Variants in TRPM4 observed in about 807,000 individuals in gnomAD.
TRPM4 encodes the protein transient receptor potential cation channel subfamily M member 4, also known as calcium-activated non-selective cation channel 1.
Under a neutral mutation model 135.6 loss-of-function variants are expected in TRPM4, and 124 were observed. The ratio of observed to expected loss-of-function variants is 0.91; its 90% confidence interval spans 0.79 to 1.06. TRPM4 has a LOEUF of 1.06. TRPM4 is among the 50% of genes least tolerant of loss of function. The probability of loss-of-function intolerance (pLI) is 0.00; values close to 1 mark genes in which losing one functional copy is unlikely to be tolerated. For synonymous variants in TRPM4, 745 were observed against 705.6 expected (o/e 1.06, Z -0.88); for missense variants, 1,658 against 1,671.4 (o/e 0.99, Z 0.14).
At position 49,200,706 on chromosome 19, in the gene TRPM4, C is replaced by A. The variant is rs1968894423; in HGVS notation, c.2874C>A (p.Asp958Glu). The A allele has an allele frequency of 4.3e-6, 7 of 1,614,086 alleles. No individual in the cohort carries two copies. Among genetic ancestry groups the A allele is most frequent in the Non-Finnish European group, 5.9e-6 (7 of 1,180,016 alleles). ...GGCTCCTGAGGCCACGGGACAGTGA[C>A]TTCCCAAGTATCCTGCGCCGCGTCT... The part of the protein sequence containing the change: ...TEGLLRPRDS[D>E]FPSILRRVFY... The change falls in exon 19 of 25, where the codon GAC becomes GAA. Residue 958 changes from aspartate (D) to glutamate (E), a missense_variant. Physicochemically the swap from Asp to Glu is conservative, Grantham distance 45. This residue lies in a region of TRPM4 where 1,412 missense variants were observed against 1,408.7 expected (regional missense o/e 1.00). Transcript: ENST00000252826.
chr19:49,208,406 C>T (rs1969229205), intron 20 of TRPM4, among the ~76,000 whole-genome samples: 1 of 152,080 alleles, frequency 6.6e-6, no homozygotes, highest in Non-Finnish European at 1.5e-5. Context: ...TACCTCTAGA[C>T]CACGGTCCGC....
Position 49,196,745 on chromosome 19 carries a change from G to A in TRPM4, c.2516G>A (p.Ser839Asn), listed in dbSNP as rs758270760. 1 of 1,548,882 alleles carries A rather than the reference G, an allele frequency of 6.5e-7. No individual in the cohort carries two copies. Among genetic ancestry groups the A allele is most frequent in the Non-Finnish European group, 8.7e-7 (1 of 1,153,618 alleles). ...LRQGLSGGGG[S>N]LASGGPGPGH... The stretch of plus-strand genomic sequence containing the variant: ...CAGGGCCTGAGCGGAGGCGGGGGCA[G>A]CCTCGCCAGCGGGGGCCCCGGGCCT... The change falls in exon 17 of 25, where the codon AGC becomes AAC. Residue 839 changes from serine to asparagine, a missense_variant. Transcript: ENST00000252826.
chr19:49,184,834 A>G (rs1968136944), intron 12 of TRPM4, among the ~76,000 whole-genome samples: 1 of 151,234 alleles, frequency 6.6e-6, no homozygotes, highest in Admixed American at 6.6e-5. Flanking sequence ...ATTTTTGATT[A>G]CAGTACCATT....
chr19:49,190,411 G>T, intron 15 of TRPM4, 91 bp downstream of exon 15: 1 of 1,162,844 alleles, frequency 8.6e-7, no homozygotes, highest in Non-Finnish European at 1.3e-6. Flanking sequence ...TTCCCTCATC[G>T]GCCCATTGTG....
intron 2 of TRPM4, chr19:49,159,708 C>G (rs545181137): frequency 6.6e-6 from 1 of 152,206 alleles, no homozygotes; most frequent in African/African-American, 2.4e-5. Flanking sequence ...GTCTTGAACT[C>G]TTGATCTCAG....
At chr19:49,169,148 C>T (rs1229215930) in intron 6 of TRPM4, among the ~76,000 whole-genome samples, 2 of 150,526 alleles carry the variant, frequency 1.3e-5, no homozygotes, top group African/African-American at 4.9e-5. Flanking sequence ...TGCAGTGAGC[C>T]GAGATCAAGC....
chr19:49,190,669 C>G, intron 15 of TRPM4, 27 bp from the exon 16 acceptor site: 1 of 1,612,088 alleles, frequency 6.2e-7, no homozygotes, highest in Admixed American at 1.7e-5. Context: ...CCCCTCATTT[C>G]TTGCTCTGTG....
At position 49,160,501 on chromosome 19, in the gene TRPM4, G is replaced by A. The variant is rs200189611; in HGVS notation, c.92+2242G>A. ...TCCATCTCAAAAAAAAAAAAAAAAAGAAAGAAAGAAAGAAAAAAGTGATTT... is the reference window on the plus strand; with the variant it reads ...TCCATCTCAAAAAAAAAAAAAAAAAAAAAGAAAGAAAGAAAAAAGTGATTT... On this transcript the variant is annotated intron_variant, in intron 2 of 24. Transcript: ENST00000252826. 9.1e-4 allele frequency among the ~76,000 whole-genome samples: 132 copies of A among 144,972 alleles called. 1 individual carries two copies. The East Asian group carries it at 0.021, about 23-fold the overall frequency.
At position 49,200,346 on chromosome 19, in the gene TRPM4, G is replaced by A. The variant is rs1262913315; in HGVS notation, c.2692G>A (p.Asp898Asn). 6.2e-7 allele frequency: 1 copy of A among 1,613,914 alleles called. No individual in the cohort carries two copies. Among genetic ancestry groups the A allele is most frequent in the East Asian group, 2.2e-5 (1 of 44,882 alleles). ...CCTGGGCCGCACTGTCCTCTGCATC[G>A]ACTTCATGGTTTTCACGGTGCGGCT... is the stretch of plus-strand genomic sequence containing the variant. ...YHLGRTVLCIDFMVFTVRLLH... is the reference protein window; with the variant it reads ...YHLGRTVLCINFMVFTVRLLH... Residue 898 changes from aspartate to asparagine, a missense_variant, in exon 18 of 25, where the codon GAC (aspartate) becomes AAC (asparagine). Coordinates refer to ENST00000252826, the MANE Select transcript of TRPM4 (RefSeq NM_017636.4).
At chr19:49,172,468 T>C (rs1341537306) in intron 9 of TRPM4, among the ~76,000 whole-genome samples, 1 of 151,362 alleles carries the variant, frequency 6.6e-6, no homozygotes, top group African/African-American at 2.4e-5. Context: ...TGACAATTCC[T>C]GAGAATTCCA....
chr19:49,196,442 C>T lies in TRPM4; in HGVS notation c.2213C>T (p.Thr738Met), dbSNP rs2123040576. ...SVINGEGPVGTADPAEKTPLG... is the reference protein window; with the variant it reads ...SVINGEGPVGMADPAEKTPLG... Reference sequence around the variant, plus strand: ...CCTTCTCTTCTCTTCCCCCACAGGACGGCGGACCCAGCCGAGAAGACGCCG... The same window carrying T: ...CCTTCTCTTCTCTTCCCCCACAGGATGGCGGACCCAGCCGAGAAGACGCCG... Residue 738 changes from threonine (T) to methionine (M), a missense_variant and splice_region_variant, in exon 17 of 25, where the codon ACG becomes ATG. Thr to Met is a moderately conservative substitution (Grantham distance 81, BLOSUM62 -1). Coordinates refer to ENST00000252826, the MANE Select transcript of TRPM4 (RefSeq NM_017636.4). The T allele has an allele frequency of 1.9e-6, 3 of 1,539,326 alleles. No homozygotes were observed. Among genetic ancestry groups the T allele is most frequent in the East Asian group, 2.4e-5 (1 of 41,430 alleles).
In TRPM4 at chr19:49,196,492, C is replaced by T. The variant is rs766805975; in HGVS notation, c.2263C>T (p.Arg755Cys). 1.8e-5 allele frequency: 28 copies of T among 1,555,508 alleles called. No individual in the cohort carries two copies. The South Asian group carries it at 2.7e-4, about 15-fold the overall frequency. The change falls in exon 17 of 25, where the codon CGT becomes TGT. Residue 755 changes from arginine (R) to cysteine (C), a missense_variant. Physicochemically the swap from Arg to Cys is radical, Grantham distance 180 (BLOSUM62 -3). Transcript: ENST00000252826. ...TPLGVPRQSGRPGCCGGRCGG... is the reference protein window; with the variant it reads ...TPLGVPRQSGCPGCCGGRCGG... ...GCTGGGGGTCCCGCGCCAGTCGGGC[C>T]GTCCGGGTTGCTGCGGGGGCCGCTG...
chr19:49,175,233 A>G (rs1967639686), intron 9 of TRPM4, among the ~76,000 whole-genome samples: 1 of 151,122 alleles, frequency 6.6e-6, no homozygotes, highest in Non-Finnish European at 1.5e-5. Context: ...GCGCCACCAC[A>G]CCTGGCTAAT....
Position 49,181,362 on chromosome 19 carries a change from G to C in TRPM4, c.1164G>C (p.Ser388=). The C allele has an allele frequency of 6.2e-7, 1 of 1,613,658 alleles. No individual in the cohort carries two copies. Among genetic ancestry groups the C allele is most frequent in the East Asian group, 2.2e-5 (1 of 44,850 alleles). Reference sequence around the variant, plus strand: ...TAATCCTTCCAGCCTGTGGGAGCTCGGAGGCCTCAGCCTACCTGGATGAGC... The same window carrying C: ...TAATCCTTCCAGCCTGTGGGAGCTCCGAGGCCTCAGCCTACCTGGATGAGC... ...LKALVKACGS[S]EASAYLDELR... Residue 388 remains serine (S), a synonymous_variant, in exon 10 of 25, where the codon TCG becomes TCC. Coordinates refer to ENST00000252826, the MANE Select transcript of TRPM4 (RefSeq NM_017636.4).
chr19:49,168,768 C>T (rs1442916222), intron 6 of TRPM4, 32 bp downstream of exon 6: 14 of 1,564,786 alleles, frequency 8.9e-6, no homozygotes, highest in African/African-American at 1.4e-5. Flanking sequence ...CCACAACCCA[C>T]GACCCACAAC....
intron 9 of TRPM4, among the ~76,000 whole-genome samples, chr19:49,174,323 T>C (rs1418753686): frequency 6.6e-6 from 1 of 152,120 alleles, no homozygotes; most frequent in Non-Finnish European, 1.5e-5. Flanking sequence ...CGGCTGATTT[T>C]TGTATTTTTA....
intron 17 of TRPM4, among the ~76,000 whole-genome samples, chr19:49,198,032 T>C (rs1968764037): frequency 6.6e-6 from 1 of 152,052 alleles, no homozygotes; most frequent in African/African-American, 2.4e-5. Flanking sequence ...ACATCCTGAA[T>C]GGTTGACAGT....
intron 20 of TRPM4, among the ~76,000 whole-genome samples, chr19:49,208,170 G>C (rs536913346): frequency 1.3e-5 from 2 of 152,286 alleles, no homozygotes; most frequent in Admixed American, 6.5e-5. Flanking sequence ...CTAGAGGGCA[G>C]AGCCAGCTGT....
intron 3 of TRPM4, among the ~76,000 whole-genome samples, chr19:49,166,889 C>A (rs1967209762): frequency 7.0e-6 from 1 of 142,792 alleles, no homozygotes; most frequent in Admixed American, 6.8e-5. Flanking sequence ...GGTCTCTGTC[C>A]CCATCTCTCT....
Sources: gnomAD v4.1 joint callset for allele counts (sites outside exome capture counted in the v4.1 genomes callset) on GRCh38, gnomAD v4.1.1 for gene constraint, gnomAD v4.1.1 regional missense constraint, MANE v1.5 for transcripts, NCBI Gene and HGNC (gene_info 2026-07-23, HGNC 2026-07-21) for gene names.